Variants in PITPNC1 observed in about 807,000 individuals in gnomAD.
PITPNC1 encodes phosphatidylinositol transfer protein cytoplasmic 1.
A neutral mutation model predicts 44.7 loss-of-function variants in PITPNC1; 18 were observed. That is an observed-to-expected ratio of 0.40 (90% CI 0.28 to 0.60). The LOEUF is 0.60. Ranked by LOEUF, PITPNC1 falls within the 20% of genes least tolerant of loss-of-function variation. The probability of loss-of-function intolerance (pLI) is 0.39; values close to 1 mark genes in which losing one functional copy is unlikely to be tolerated. For missense variants in PITPNC1, 290 were observed against 418.4 expected, an observed-to-expected ratio of 0.69 and a Z score of 2.68; for synonymous variants, 141 against 149.6, an observed-to-expected ratio of 0.94 and a Z score of 0.42.
intron 5 of PITPNC1, among the ~76,000 whole-genome samples, chr17:67,620,589 C>G (rs1176428180): frequency 6.6e-6 from 1 of 152,180 alleles, no homozygotes; most frequent in Non-Finnish European, 1.5e-5. Context: ...AGGCCTGAAA[C>G]CTTTGCCTTC....
chr17:67,626,665 G>C (rs531380367), intron 5 of PITPNC1, among the ~76,000 whole-genome samples: 1 of 151,974 alleles, frequency 6.6e-6, no homozygotes, highest in Non-Finnish European at 1.5e-5. Context: ...CACCATGCCC[G>C]GCCAGATAAC....
At chr17:67,414,021 A>T (rs2038549288) in intron 1 of PITPNC1, among the ~76,000 whole-genome samples, 2 of 152,178 alleles carry the variant, frequency 1.3e-5, no homozygotes, top group African/African-American at 4.8e-5. Flanking sequence ...ACCTTATTTG[A>T]ACACCTTTTT....
chr17:67,622,515 T>A (rs1009263027), intron 5 of PITPNC1, among the ~76,000 whole-genome samples: 4 of 55,160 alleles, frequency 7.3e-5, no homozygotes, highest in Non-Finnish European at 1.3e-4. Flanking sequence ...TAGCCTGGAC[T>A]TTTTTTTTTT....
At chr17:67,429,751 CATTT>C (rs887021923) in intron 1 of PITPNC1, among the ~76,000 whole-genome samples, 3 of 150,574 alleles carry the variant, frequency 2.0e-5, no homozygotes, top group African/African-American at 7.3e-5. Context: ...TTCTTTTATT[CATTT>C]GTCATTTAAA....
At chr17:67,630,475 C>T (rs566038650) in intron 5 of PITPNC1, among the ~76,000 whole-genome samples, 9 of 152,100 alleles carry the variant, frequency 5.9e-5, no homozygotes, top group South Asian at 2.1e-4. Context: ...AAAAATTGGC[C>T]GGGCTTGGTG....
chr17:67,512,933 A>G (rs1259446728), intron 1 of PITPNC1, among the ~76,000 whole-genome samples: 1 of 152,200 alleles, frequency 6.6e-6, no homozygotes, highest in Non-Finnish European at 1.5e-5. Flanking sequence ...CCAGCTTGGC[A>G]GTATCTGAAA....
chr17:67,402,930 G>C (rs979374607), intron 1 of PITPNC1, among the ~76,000 whole-genome samples: 1 of 152,120 alleles, frequency 6.6e-6, no homozygotes, highest in Non-Finnish European at 1.5e-5. Context: ...GCCTCCCAAA[G>C]TGCTGGGATT....
At chr17:67,575,873 TCTTTCC>T (rs1568047915) in intron 4 of PITPNC1, among the ~76,000 whole-genome samples, 34,464 of 71,896 alleles carry the variant, frequency 0.48, 10,403 homozygotes, top group East Asian at 0.55. Flanking sequence ...CTTCTTTCTT[TCTTTCC>T]TTTTTTTTTT....
At chr17:67,552,448 G>A (rs2040779545) in intron 3 of PITPNC1, 103 bp downstream of exon 3, 2 of 741,582 alleles carry the variant, frequency 2.7e-6, no homozygotes. Context: ...GGGCCTTGTG[G>A]GAGCCCCGTA....
At chr17:67,382,282 G>A (rs973130857) in intron 1 of PITPNC1, among the ~76,000 whole-genome samples, 2 of 151,962 alleles carry the variant, frequency 1.3e-5, no homozygotes, top group Non-Finnish European at 2.9e-5. Context: ...AGCTCTGGGC[G>A]ATCAAGAAAA....
At chr17:67,618,790 G>A (rs2041794050) in intron 5 of PITPNC1, among the ~76,000 whole-genome samples, 1 of 151,802 alleles carries the variant, frequency 6.6e-6, no homozygotes, top group South Asian at 2.1e-4. Context: ...CGGGCGCGGT[G>A]GCTCATGCCT....
At chr17:67,467,324 G>C (rs2039443071) in intron 1 of PITPNC1, among the ~76,000 whole-genome samples, 2 of 152,134 alleles carry the variant, frequency 1.3e-5, no homozygotes, top group African/African-American at 4.8e-5. Flanking sequence ...AATGTGTTGG[G>C]ATTACAGGCA....
chr17:67,472,579 G>A (rs1444858905), intron 1 of PITPNC1, among the ~76,000 whole-genome samples: 1 of 151,190 alleles, frequency 6.6e-6, no homozygotes, highest in African/African-American at 2.4e-5. Flanking sequence ...TCCAGGAGGA[G>A]GAGTTTGCAG....
chr17:67,660,893 C>T (rs55956632), intron 6 of PITPNC1, among the ~76,000 whole-genome samples: 10,406 of 131,058 alleles, frequency 0.079, 486 homozygotes, highest in East Asian at 0.23. Context: ...GAGTCTCGCT[C>T]GGTCACCCAG....
At chr17:67,656,862 A>C (rs938985432) in intron 6 of PITPNC1, among the ~76,000 whole-genome samples, 1 of 152,252 alleles carries the variant, frequency 6.6e-6, no homozygotes, top group Non-Finnish European at 1.5e-5. Flanking sequence ...CAAGAGTTTG[A>C]ATCAGGCCCA....
At chr17:67,520,750 G>C (rs1308501436) in intron 1 of PITPNC1, among the ~76,000 whole-genome samples, 1 of 152,138 alleles carries the variant, frequency 6.6e-6, no homozygotes, top group Non-Finnish European at 1.5e-5. Context: ...TGCCCTTGTG[G>C]TTTCGAGTTG....
At chr17:67,562,895 A>T (rs1329819925) in intron 4 of PITPNC1, among the ~76,000 whole-genome samples, 1 of 152,206 alleles carries the variant, frequency 6.6e-6, no homozygotes, top group Non-Finnish European at 1.5e-5. Flanking sequence ...TTTTTTAATG[A>T]ATAAAGGAAG....
Position 67,403,227 on chromosome 17 carries a change from A to AAAAAAAAG in PITPNC1, c.48+25032_48+25033insGAAAAAAA, listed in dbSNP as rs1048199441. Among the ~76,000 whole-genome samples, 11 of 150,216 alleles carry AAAAAAAAG rather than the reference A, an allele frequency of 7.3e-5. 1 individual carries two copies. The highest frequency in any genetic ancestry group is 7.4e-5 in the Non-Finnish European group (5 of 67,562). ...GTGGACCTCATCTCTACAAAAAAAA[A>AAAAAAAAG]AAAAAAAAAAAAAAGTCATGACTGC... On this transcript the variant is annotated intron_variant, in intron 1 of 8. Coordinates refer to ENST00000581322, the MANE Select transcript of PITPNC1 (RefSeq NM_012417.4).
intron 1 of PITPNC1, among the ~76,000 whole-genome samples, chr17:67,400,793 CTATA>C (rs2038296617): frequency 6.7e-6 from 1 of 149,910 alleles, no homozygotes; most frequent in Non-Finnish European, 1.5e-5. Flanking sequence ...TTACATATAA[CTATA>C]TATAATAAAA....
Sources: gnomAD v4.1 joint callset for allele counts (sites outside exome capture counted in the v4.1 genomes callset) on GRCh38, gnomAD v4.1.1 for gene constraint, MANE v1.5 for transcripts, NCBI Gene and HGNC (gene_info 2026-07-23, HGNC 2026-07-21) for gene names.